TAF4: variants seen among roughly 807,000 people sequenced by gnomAD.
The protein encoded by TAF4 is TATA-box binding protein associated factor 4.
In TAF4, 9 loss-of-function variants were observed where a neutral mutation model predicts 90.3. The observed-to-expected ratio is 0.10, with a 90% CI of 0.06 to 0.17. TAF4 has a LOEUF of 0.17. TAF4 is among the 10% of genes least tolerant of loss of function. The probability of loss-of-function intolerance (pLI) is 1.00; values close to 1 mark genes in which losing one functional copy is unlikely to be tolerated. For missense variants in TAF4, 1,351 were observed against 1,370.7 expected (o/e 0.99, Z 0.23); for synonymous variants, 818 against 638.9 (o/e 1.28, Z -4.23).
chr20:62,052,440 C>T (rs1009449008), intron 1 of TAF4, among the ~76,000 whole-genome samples: 2 of 152,124 alleles, frequency 1.3e-5, no homozygotes, highest in African/African-American at 4.8e-5. Flanking sequence ...CCAGCACTGC[C>T]ATCTGGAACC....
At chr20:62,000,026 C>T (rs920529205) in intron 11 of TAF4, 98 bp downstream of exon 11, 1 of 1,523,928 alleles carries the variant, frequency 6.6e-7, no homozygotes, top group African/African-American at 1.4e-5. Flanking sequence ...CACTTGGGAC[C>T]CACCGCCCTC....
At chr20:61,996,648 A>G (rs761314773) in intron 14 of TAF4, among the ~76,000 whole-genome samples, 1 of 151,510 alleles carries the variant, frequency 6.6e-6, no homozygotes, top group Non-Finnish European at 1.5e-5. Context: ...AAAATACAGA[A>G]ATTAGCAGGG....
At chr20:61,994,121 C>T (rs968099732) in intron 14 of TAF4, among the ~76,000 whole-genome samples, 2 of 150,916 alleles carry the variant, frequency 1.3e-5, no homozygotes, top group African/African-American at 2.4e-5. Context: ...AAAAAAAAGG[C>T]TAATCAATAT....
At chr20:62,049,181 C>T (rs898716165) in intron 1 of TAF4, among the ~76,000 whole-genome samples, 4 of 152,070 alleles carry the variant, frequency 2.6e-5, no homozygotes, top group African/African-American at 7.2e-5. Context: ...GCAGTGCCCA[C>T]GCCCGCCTTC....
chr20:61,983,383 C>G (rs749526403), intron 14 of TAF4, among the ~76,000 whole-genome samples: 1 of 151,936 alleles, frequency 6.6e-6, no homozygotes, highest in Non-Finnish European at 1.5e-5. Context: ...AGGCCAGGTA[C>G]GGCAACTCAC....
intron 14 of TAF4, 78 bp downstream of exon 14, chr20:61,997,472 T>C (rs976213492): frequency 7.3e-7 from 1 of 1,376,980 alleles, no homozygotes; most frequent in African/African-American, 1.5e-5. Flanking sequence ...CCTATGTGTG[T>C]CCGTCCCCTA....
At chr20:62,053,524 G>T (rs567954174) in intron 1 of TAF4, among the ~76,000 whole-genome samples, 1 of 152,216 alleles carries the variant, frequency 6.6e-6, no homozygotes, top group Non-Finnish European at 1.5e-5. Flanking sequence ...AGGGAGCCAC[G>T]AGCGACGTTT....
chr20:62,043,346 C>T (rs1341836138), intron 1 of TAF4, among the ~76,000 whole-genome samples: 1 of 152,034 alleles, frequency 6.6e-6, no homozygotes, highest in East Asian at 1.9e-4. Flanking sequence ...TTTTGCACAG[C>T]TGTATAATGT....
intron 1 of TAF4, 87 bp downstream of exon 1, chr20:62,064,364 A>G (rs1265563023): frequency 4.0e-6 from 5 of 1,256,536 alleles, no homozygotes; most frequent in Non-Finnish European, 5.0e-6. Flanking sequence ...AGATGACCTT[A>G]GCATTCCACC....
chr20:61,982,057 C>T (rs1600824291), intron 14 of TAF4, among the ~76,000 whole-genome samples: 1 of 128,704 alleles, frequency 7.8e-6, no homozygotes, highest in Admixed American at 7.8e-5. Context: ...AGAGGAGACA[C>T]CAAACCCACA....
At position 62,014,421 on chromosome 20, in the gene TAF4, C is replaced by T. The variant is rs534901388; in HGVS notation, c.1521+126G>A. ...CTAGATGGGACGGATGGGACTGGGA[C>T]GCCGCCCACACTTCCCAGTCCTCAC... On this transcript the variant is annotated intron_variant, in intron 2 of 14. Coordinates refer to ENST00000252996, the MANE Select transcript of TAF4 (RefSeq NM_003185.4). The T allele has an allele frequency of 2.8e-4, 349 of 1,261,686 alleles. 1 individual carries two copies. The highest frequency in any genetic ancestry group is 3.3e-4 in the South Asian group (19 of 57,334). The allele number at this position is 1,261,686 out of a possible 1,614,324, so 78.2% of individuals were successfully genotyped here. A position where few individuals can be genotyped will look rare whatever the true frequency, so the allele number is the denominator to read the frequency against.
chr20:62,019,738 C>G (rs1362919453), intron 1 of TAF4, among the ~76,000 whole-genome samples: 1 of 152,226 alleles, frequency 6.6e-6, no homozygotes, highest in Non-Finnish European at 1.5e-5. Context: ...GTGAATCCCA[C>G]CCTCCCTGAG....
intron 5 of TAF4, 32 bp downstream of exon 5, chr20:62,009,020 G>A: frequency 6.2e-7 from 1 of 1,605,440 alleles, no homozygotes; most frequent in South Asian, 1.1e-5. Flanking sequence ...CAGGCTTTAG[G>A]GGAAAGGGAA....
At chr20:61,986,020 C>T (rs1216849941) in intron 14 of TAF4, among the ~76,000 whole-genome samples, 1 of 142,350 alleles carries the variant, frequency 7.0e-6, no homozygotes, top group African/African-American at 2.6e-5. Flanking sequence ...AAACACCATC[C>T]CCCATCAAAG....
intron 1 of TAF4, among the ~76,000 whole-genome samples, chr20:62,015,137 G>A (rs1023842491): frequency 1.3e-5 from 2 of 152,188 alleles, no homozygotes; most frequent in African/African-American, 4.8e-5. Flanking sequence ...CCATACTCCA[G>A]GGTCTCCCAG....
chr20:62,046,375 G>A (rs780427514), intron 1 of TAF4, among the ~76,000 whole-genome samples: 8 of 152,292 alleles, frequency 5.3e-5, no homozygotes, highest in South Asian at 2.1e-4. Context: ...GCCACACTAC[G>A]TCACCCTCAA....
At chr20:62,046,074 G>A (rs1244169575) in intron 1 of TAF4, among the ~76,000 whole-genome samples, 24 of 152,186 alleles carry the variant, frequency 1.6e-4, no homozygotes, top group Non-Finnish European at 7.3e-5. Flanking sequence ...CGGTGCCCCC[G>A]TGCAGCAGAC....
At position 62,010,267 on chromosome 20, in the gene TAF4, G is replaced by A; in HGVS notation, c.1642-102C>T. The A allele has an allele frequency of 1.3e-6, 2 of 1,561,654 alleles. No homozygotes were observed. Among genetic ancestry groups the A allele is most frequent in the South Asian group, 1.1e-5 (1 of 87,412 alleles). On this transcript the variant is annotated intron_variant, in intron 3 of 14. Coordinates refer to ENST00000252996, the MANE Select transcript of TAF4 (RefSeq NM_003185.4). The surrounding 1 kb of genome is among the most constrained non-coding windows in gnomAD (Gnocchi z 4.5). ...GCAAAAGAAAACAAGCCTCCCTGCG[G>A]TGGCCAGGACGCCCAGGAAGCCAAG...
At chr20:61,984,213 C>A (rs2055568403) in intron 14 of TAF4, among the ~76,000 whole-genome samples, 1 of 152,190 alleles carries the variant, frequency 6.6e-6, no homozygotes, top group Non-Finnish European at 1.5e-5. Flanking sequence ...ACCCACAGCA[C>A]ACCCACAGAC....
Sources: gnomAD v4.1 joint callset for allele counts (sites outside exome capture counted in the v4.1 genomes callset) on GRCh38, gnomAD v4.1.1 for gene constraint, Gnocchi (gnomAD v3.1) non-coding constraint, MANE v1.5 for transcripts, NCBI Gene and HGNC (gene_info 2026-07-23, HGNC 2026-07-21) for gene names.